The following TEX11 variants were observed in gnomAD, a reference collection of about 807,000 sequenced individuals.
TEX11 encodes testis-expressed protein 11.
In TEX11, 7 loss-of-function variants were observed where a neutral mutation model predicts 84.4. The ratio of observed to expected loss-of-function variants is 0.08; its 90% CI spans 0.05 to 0.16. TEX11 has a LOEUF of 0.16. TEX11 is among the 10% of genes least tolerant of loss of function. The pLI, the probability that TEX11 is intolerant of heterozygous loss-of-function variation, is 1.00. For missense variants in TEX11, 551 were observed against 660.5 expected, an observed-to-expected ratio of 0.83 and a Z score of 1.82; for synonymous variants, 264 against 222.8, an observed-to-expected ratio of 1.18 and a Z score of -1.64.
chrX:70,589,067 G>T (rs2088892430), intron 25 of TEX11, among the ~76,000 whole-genome samples: 1 of 110,821 alleles, frequency 9.0e-6, no homozygotes, highest in South Asian at 3.8e-4. Flanking sequence ...TTTCTGTTTG[G>T]GATGATGAAA....
At chrX:70,875,949 T>C (rs2091653596) in intron 3 of TEX11, among the ~76,000 whole-genome samples, 1 of 111,648 alleles carries the variant, frequency 9.0e-6, no homozygotes, top group Non-Finnish European at 1.9e-5. Flanking sequence ...TAGTTAATGA[T>C]ATGCACACTA....
intron 9 of TEX11, among the ~76,000 whole-genome samples, chrX:70,798,209 T>G (rs1176297913): frequency 9.1e-6 from 1 of 110,432 alleles, no homozygotes; most frequent in African/African-American, 3.3e-5. Flanking sequence ...CAATGAACTA[T>G]ACCCAAAAAT....
intron 9 of TEX11, among the ~76,000 whole-genome samples, chrX:70,745,434 TAA>T (rs201028378): frequency 9.9e-6 from 1 of 101,304 alleles, no homozygotes. Flanking sequence ...AAATATTCCT[TAA>T]AAAAAAAAAA....
At chrX:70,842,371 A>T (rs2091451548) in intron 7 of TEX11, among the ~76,000 whole-genome samples, 2 of 111,292 alleles carry the variant, frequency 1.8e-5, no homozygotes, top group Non-Finnish European at 3.8e-5. Flanking sequence ...ACAGAACCAA[A>T]GACAAAAACC....
chrX:70,775,055 C>T (rs1339531439), intron 9 of TEX11, among the ~76,000 whole-genome samples: 4 of 111,936 alleles, frequency 3.6e-5, no homozygotes, highest in Non-Finnish European at 7.5e-5. Flanking sequence ...CACATATTTA[C>T]AGCCAACTAA....
intron 16 of TEX11, among the ~76,000 whole-genome samples, chrX:70,669,357 A>G (rs754719663): frequency 1.5e-3 from 173 of 111,996 alleles, no homozygotes; most frequent in Non-Finnish European, 2.9e-3. Context: ...ATTAGTCTTT[A>G]AGTAAACAGT....
intron 18 of TEX11, among the ~76,000 whole-genome samples, chrX:70,628,334 A>C (rs900811875): frequency 5.4e-5 from 6 of 110,748 alleles, no homozygotes; most frequent in Non-Finnish European, 7.6e-5. Context: ...AGCCAATCAC[A>C]TTCCTTTCTC....
chrX:70,733,260 A>C (rs1247884163), intron 11 of TEX11, among the ~76,000 whole-genome samples: 9 of 112,031 alleles, frequency 8.0e-5, no homozygotes, highest in African/African-American at 2.9e-4. Flanking sequence ...TTCATGTCTA[A>C]AACACCAAAA....
the TEX11 span, among the ~76,000 whole-genome samples, chrX:70,516,947 C>T: frequency 2.7e-5 from 3 of 111,293 alleles, no homozygotes; most frequent in East Asian, 8.4e-4. Flanking sequence ...TATAGGAATG[C>T]TTGTGATTTT....
intron 25 of TEX11, among the ~76,000 whole-genome samples, chrX:70,570,395 C>A (rs1424247430): frequency 8.9e-6 from 1 of 112,075 alleles, no homozygotes; most frequent in Non-Finnish European, 1.9e-5. Context: ...TCAGCTCACT[C>A]ACGGTGCGCT....
chrX:70,658,585 G>A (rs2089896089), intron 16 of TEX11, among the ~76,000 whole-genome samples: 1 of 111,330 alleles, frequency 9.0e-6, no homozygotes, highest in Non-Finnish European at 1.9e-5. Flanking sequence ...TGCCAAAAGA[G>A]ACTAAAAGTC....
chrX:70,620,560 A>G (rs780644303), intron 20 of TEX11, among the ~76,000 whole-genome samples: 12 of 111,412 alleles, frequency 1.1e-4, no homozygotes, highest in Non-Finnish European at 2.1e-4. Flanking sequence ...TTTCTCACAA[A>G]CCAAACATAC....
intron 2 of TEX11, among the ~76,000 whole-genome samples, chrX:70,891,379 A>C (rs1191600161): frequency 8.9e-6 from 1 of 111,856 alleles, no homozygotes; most frequent in East Asian, 2.8e-4. Context: ...ATGGAGAATG[A>C]CTTTGACGAG....
At chrX:70,780,889 A>G (rs1168826915) in intron 9 of TEX11, among the ~76,000 whole-genome samples, 1 of 112,539 alleles carries the variant, frequency 8.9e-6, no homozygotes, top group African/African-American at 3.2e-5. Context: ...GCAGAGCTGA[A>G]CAAAAGGCAG....
intron 9 of TEX11, among the ~76,000 whole-genome samples, chrX:70,763,816 C>T (rs748390110): frequency 3.6e-5 from 4 of 111,296 alleles, no homozygotes; most frequent in Non-Finnish European, 7.5e-5. Flanking sequence ...GCACCCAACA[C>T]TGGAGCACCC....
chrX:70,802,151 G>A (rs2091192778), intron 9 of TEX11, among the ~76,000 whole-genome samples: 1 of 111,255 alleles, frequency 9.0e-6, no homozygotes, highest in Non-Finnish European at 1.9e-5. Context: ...AGGAACAGGG[G>A]CACAAACAGC....
At chrX:70,547,693 G>A (rs1255955489) in intron 28 of TEX11, among the ~76,000 whole-genome samples, 2 of 112,271 alleles carry the variant, frequency 1.8e-5, no homozygotes, top group African/African-American at 6.5e-5. Context: ...GGCCATCAGA[G>A]AAATGCAAAT....
chrX:70,892,227 C>A (rs768845898), intron 2 of TEX11, among the ~76,000 whole-genome samples: 1 of 111,760 alleles, frequency 8.9e-6, no homozygotes, highest in African/African-American at 3.2e-5. Context: ...ACCGGGCCTG[C>A]CTTACAAGAG....
intron 20 of TEX11, among the ~76,000 whole-genome samples, chrX:70,623,478 T>C (rs1204414930): frequency 1.8e-5 from 2 of 112,186 alleles, no homozygotes; most frequent in African/African-American, 3.2e-5. Context: ...TTATATGTTC[T>C]GTGGGAAAGT....
Sources: gnomAD v4.1 joint callset for allele counts (sites outside exome capture counted in the v4.1 genomes callset) on GRCh38, gnomAD v4.1.1 for gene constraint, MANE v1.5 for transcripts, NCBI Gene and HGNC (gene_info 2026-07-23, HGNC 2026-07-21) for gene names.